The following BRINP3 variants were observed in gnomAD, a reference collection of about 807,000 sequenced individuals.
The protein encoded by BRINP3 is BMP/retinoic acid-inducible neural-specific protein 3.
Under a neutral mutation model 71.0 loss-of-function variants are expected in BRINP3, and 19 were observed. That is an observed-to-expected ratio of 0.27 (90% CI 0.19 to 0.39). The LOEUF (loss-of-function observed/expected upper bound fraction) is 0.39, where lower values mean the gene tolerates loss of function less well. Among genes scored for constraint, BRINP3 ranks in the 10% least tolerant of loss-of-function variants. The pLI, the probability that BRINP3 is intolerant of heterozygous loss-of-function variation, is 1.00. For missense variants in BRINP3, 959 were observed against 940.8 expected (o/e 1.02, Z -0.25); for synonymous variants, 380 against 337.7 (o/e 1.13, Z -1.37).
chr1:190,353,303 T>C (rs1452123202), intron 2 of BRINP3, among the ~76,000 whole-genome samples: 2 of 152,158 alleles, frequency 1.3e-5, no homozygotes, highest in East Asian at 1.9e-4. Context: ...CTCAGCATGA[T>C]GCAGAATGTG....
chr1:190,243,098 A>G (rs994158730), intron 4 of BRINP3, among the ~76,000 whole-genome samples: 3 of 152,128 alleles, frequency 2.0e-5, no homozygotes, highest in Admixed American at 1.3e-4. Context: ...TTGAGTACAC[A>G]TTAAAATATA....
At position 190,132,029 on chromosome 1, in the gene BRINP3, G is replaced by A. The variant is rs182904122; in HGVS notation, c.1184+28639C>T. On this transcript the variant is annotated intron_variant, in intron 7 of 7. Transcript: ENST00000367462. ...AGCAAAGGACTTGACTGAAATGAAA[G>A]TTTGCCAATTGTCTGTAATCTAAGC... 8.5e-5 allele frequency among the ~76,000 whole-genome samples: 13 copies of A among 152,090 alleles called. No individual in the cohort carries two copies. In the East Asian group the frequency reaches 2.5e-3, roughly 29 times the overall value.
intron 2 of BRINP3, among the ~76,000 whole-genome samples, chr1:190,396,939 C>T (rs1671617320): frequency 6.6e-6 from 1 of 151,420 alleles, no homozygotes; most frequent in Non-Finnish European, 1.5e-5. Context: ...ATGCATAAAG[C>T]TTCACATTTC....
intron 6 of BRINP3, among the ~76,000 whole-genome samples, chr1:190,193,103 T>G (rs1296219983): frequency 6.6e-6 from 1 of 152,106 alleles, no homozygotes; most frequent in Non-Finnish European, 1.5e-5. Flanking sequence ...TAAATTATTT[T>G]AGATTTGTGA....
chr1:190,357,078 CT>C (rs2102085395), intron 2 of BRINP3, among the ~76,000 whole-genome samples: 1 of 151,994 alleles, frequency 6.6e-6, no homozygotes, highest in African/African-American at 2.4e-5. Flanking sequence ...CTTTTTCTTC[CT>C]CCTTTTTAAA....
intron 2 of BRINP3, among the ~76,000 whole-genome samples, chr1:190,294,646 T>A (rs901114248): frequency 1.3e-5 from 2 of 152,126 alleles, no homozygotes; most frequent in Admixed American, 6.5e-5. Flanking sequence ...TTTGTTAGGT[T>A]ATATTTCCTT....
chr1:190,101,605 T>C (rs555725600), intron 7 of BRINP3, among the ~76,000 whole-genome samples: 2 of 152,158 alleles, frequency 1.3e-5, no homozygotes, highest in Non-Finnish European at 1.5e-5. Flanking sequence ...TGTCCTCTCC[T>C]GTTTTTGCTT....
intron 3 of BRINP3, among the ~76,000 whole-genome samples, chr1:190,275,992 CAG>C (rs1234365784): frequency 6.6e-6 from 1 of 150,964 alleles, no homozygotes; most frequent in Non-Finnish European, 1.5e-5. Context: ...GAGAATGAGA[CAG>C]AGAAACTGAT....
At chr1:190,284,943 A>G (rs1166155346) in intron 2 of BRINP3, among the ~76,000 whole-genome samples, 1 of 152,092 alleles carries the variant, frequency 6.6e-6, no homozygotes, top group Non-Finnish European at 1.5e-5. Flanking sequence ...ATACTACACC[A>G]TTGTGTATAT....
chr1:190,377,229 A>AT (rs1245488832), intron 2 of BRINP3, among the ~76,000 whole-genome samples: 1 of 151,990 alleles, frequency 6.6e-6, no homozygotes, highest in African/African-American at 2.4e-5. Flanking sequence ...CTGTCTGCTT[A>AT]TTTTTTCCAT....
At chr1:190,153,756 G>A (rs1419264094) in intron 7 of BRINP3, among the ~76,000 whole-genome samples, 2 of 152,146 alleles carry the variant, frequency 1.3e-5, no homozygotes, top group Non-Finnish European at 2.9e-5. Context: ...AGCTACTCAG[G>A]AGACTGAGGT....
At chr1:190,379,472 T>C (rs1361189369) in intron 2 of BRINP3, among the ~76,000 whole-genome samples, 1 of 152,076 alleles carries the variant, frequency 6.6e-6, no homozygotes, top group Non-Finnish European at 1.5e-5. Flanking sequence ...AGATTCTATT[T>C]TGGATACAAC....
At chr1:190,114,540 G>C (rs1193529312) in intron 7 of BRINP3, among the ~76,000 whole-genome samples, 5 of 151,694 alleles carry the variant, frequency 3.3e-5, no homozygotes, top group African/African-American at 9.7e-5. Context: ...GTGTGTGTGT[G>C]TGTGTGTGTG....
Position 190,146,601 on chromosome 1 carries a change from T to A in BRINP3, c.1184+14067A>T, listed in dbSNP as rs150255344. Among the ~76,000 whole-genome samples, 60 of 152,236 alleles carry A rather than the reference T, an allele frequency of 3.9e-4. No individual in the cohort carries two copies. The East Asian group carries it at 0.01, about 25-fold the overall frequency. ...ATATAAAAGAGATTCATTTTCATAA[T>A]AATTTGGTAAGGAAAGTATTCATTA... On this transcript the variant is annotated intron_variant, in intron 7 of 7. Coordinates refer to ENST00000367462, the MANE Select transcript of BRINP3 (RefSeq NM_199051.3).
At chr1:190,153,265 A>G (rs961198723) in intron 7 of BRINP3, among the ~76,000 whole-genome samples, 7 of 152,154 alleles carry the variant, frequency 4.6e-5, no homozygotes, top group African/African-American at 1.4e-4. Flanking sequence ...TTGCATTTAG[A>G]CCATTATCTT....
intron 2 of BRINP3, among the ~76,000 whole-genome samples, chr1:190,292,274 G>C (rs1351884453): frequency 6.6e-6 from 1 of 152,040 alleles, no homozygotes; most frequent in East Asian, 1.9e-4. Flanking sequence ...TTCTTGAAAA[G>C]GAAGTGATCA....
At chr1:190,411,976 A>C (rs554016151) in intron 2 of BRINP3, among the ~76,000 whole-genome samples, 1 of 152,302 alleles carries the variant, frequency 6.6e-6, no homozygotes, top group South Asian at 2.1e-4. Context: ...GTCAGACCCC[A>C]GCATCCTCCT....
intron 6 of BRINP3, among the ~76,000 whole-genome samples, chr1:190,218,260 T>C (rs2102675358): frequency 6.6e-6 from 1 of 152,184 alleles, no homozygotes; most frequent in South Asian, 2.1e-4. Context: ...AGGTAAGCTT[T>C]GCTTGTTTTA....
rs538633918 is a variant in BRINP3 at position 190,343,801 on chromosome 1, T to G, written c.237-62051A>C. On this transcript the variant is annotated intron_variant, in intron 2 of 7. Transcript: ENST00000367462. Reference sequence around the variant, plus strand: ...TAATAAAATTATTTTTACTCAAAAATGAAATGGGCTGTATCATACTCAGAT... The same window carrying G: ...TAATAAAATTATTTTTACTCAAAAAGGAAATGGGCTGTATCATACTCAGAT... Among the ~76,000 whole-genome samples, 25 of 151,792 alleles carry G rather than the reference T, an allele frequency of 1.6e-4. No individual in the cohort carries two copies. The South Asian group carries it at 5.0e-3, about 30-fold the overall frequency.
Sources: gnomAD v4.1 joint callset for allele counts (sites outside exome capture counted in the v4.1 genomes callset) on GRCh38, gnomAD v4.1.1 for gene constraint, MANE v1.5 for transcripts, NCBI Gene and HGNC (gene_info 2026-07-23, HGNC 2026-07-21) for gene names.